MAP3K3: variants seen among roughly 807,000 people sequenced by gnomAD.
MAP3K3 encodes MAP/ERK kinase kinase 3.
In MAP3K3, 12 loss-of-function variants were observed where a neutral mutation model predicts 80.9. The ratio of observed to expected loss-of-function variants is 0.15; its 90% CI spans 0.10 to 0.24. MAP3K3 has a LOEUF of 0.24. MAP3K3 is among the 10% of genes least tolerant of loss of function. The pLI, the probability that MAP3K3 is intolerant of heterozygous loss-of-function variation, is 1.00. For synonymous variants in MAP3K3, 272 were observed against 307.1 expected (o/e 0.89, Z 1.19); for missense variants, 596 against 834.7 (o/e 0.71, Z 3.52).
At chr17:63,630,714 C>G (rs1373205775) in intron 1 of MAP3K3, among the ~76,000 whole-genome samples, 1 of 152,102 alleles carries the variant, frequency 6.6e-6, no homozygotes, top group African/African-American at 2.4e-5. Context: ...TGACAGATGT[C>G]TTTTTGTAGA....
At position 63,691,876 on chromosome 17, in the gene MAP3K3, G is replaced by A. The variant is rs372986161; in HGVS notation, c.1474+14G>A. 2 of 1,612,408 alleles carry A rather than the reference G, an allele frequency of 1.2e-6. No homozygotes were observed. The highest frequency in any genetic ancestry group is 4.5e-5 in the East Asian group (2 of 44,826). ...GGGACATTAAGGGTGAGCAGGGCCA[G>A]GATACATGGAGTCCCCAGGACCTGG... On this transcript the variant is annotated intron_variant, in intron 14 of 15. Transcript: ENST00000361733. This position sits in a 1 kb window ranked among gnomAD's most constrained non-coding sequence, Gnocchi z 4.8.
intron 7 of MAP3K3, 31 bp from the exon 8 acceptor site, chr17:63,685,486 G>A: frequency 6.3e-7 from 1 of 1,579,532 alleles, no homozygotes; most frequent in Non-Finnish European, 8.7e-7. Context: ...GGGGCTGGGG[G>A]TGTGGCTTCA....
intron 1 of MAP3K3, among the ~76,000 whole-genome samples, chr17:63,624,026 T>C (rs1245017894): frequency 6.6e-6 from 1 of 152,204 alleles, no homozygotes; most frequent in Non-Finnish European, 1.5e-5. Flanking sequence ...CCTCATACAG[T>C]ATGAGAAGGG....
chr17:63,681,136 T>C (rs2035324563), intron 6 of MAP3K3, among the ~76,000 whole-genome samples: 1 of 145,852 alleles, frequency 6.9e-6, no homozygotes, highest in Non-Finnish European at 1.5e-5. Context: ...AAAAAGGTAA[T>C]ATCATTACTC....
chr17:63,659,645 GC>G (rs1214659824), intron 5 of MAP3K3, among the ~76,000 whole-genome samples: 1 of 145,802 alleles, frequency 6.9e-6, no homozygotes, highest in African/African-American at 2.6e-5. Context: ...CAATTCTTCT[GC>G]CTCAGCCTCC....
chr17:63,683,924 A>G (rs1421299613), intron 7 of MAP3K3, among the ~76,000 whole-genome samples: 1 of 152,084 alleles, frequency 6.6e-6, no homozygotes, highest in Non-Finnish European at 1.5e-5. Flanking sequence ...TGGGAGGCCA[A>G]GGCAGGAGGA....
chr17:63,688,191 T>G, intron 8 of MAP3K3: 1 of 361,154 alleles, frequency 2.8e-6, no homozygotes, highest in Non-Finnish European at 5.1e-6. Flanking sequence ...CTGTGGCTGT[T>G]TTTATTACTG....
intron 8 of MAP3K3, among the ~76,000 whole-genome samples, chr17:63,686,796 G>A (rs566086942): frequency 8.9e-4 from 135 of 152,274 alleles, no homozygotes; most frequent in African/African-American, 2.9e-3. Flanking sequence ...CATTGTGAAT[G>A]ACCTGGACTT....
intron 5 of MAP3K3, 51 bp from the exon 6 acceptor site, chr17:63,666,889 A>T: frequency 6.2e-7 from 1 of 1,604,040 alleles, no homozygotes; most frequent in Non-Finnish European, 8.5e-7. Context: ...AGACCTTGAT[A>T]GGCCTGACTG....
intron 5 of MAP3K3, among the ~76,000 whole-genome samples, chr17:63,661,584 G>A (rs1321217803): frequency 1.3e-5 from 2 of 152,104 alleles, no homozygotes; most frequent in Non-Finnish European, 2.9e-5. Flanking sequence ...TTTGTAACTT[G>A]TATTTGTATA....
intron 5 of MAP3K3, among the ~76,000 whole-genome samples, chr17:63,662,141 C>T (rs1338316103): frequency 6.7e-6 from 1 of 148,752 alleles, no homozygotes; most frequent in Non-Finnish European, 1.5e-5. Flanking sequence ...CATGGTGGCT[C>T]ACACCTGTAA....
At position 63,692,707 on chromosome 17, in the gene MAP3K3, GTC is replaced by G. The variant is rs1434429156; in HGVS notation, c.1652+293_1652+294del. On this transcript the variant is annotated intron_variant, in intron 15 of 15. Coordinates refer to ENST00000361733, the MANE Select transcript of MAP3K3 (RefSeq NM_002401.5). This position sits in a 1 kb window ranked among gnomAD's most constrained non-coding sequence, Gnocchi z 4.5. ...TCTGAAGGCCTGAAGGCCTGGACCA[GTC>G]TCTCAACAGGAGCAGGCTTCTGTCC... Among the ~76,000 whole-genome samples the G allele has an allele frequency of 2.0e-5, 3 of 152,218 alleles. No homozygotes were observed. Among genetic ancestry groups the G allele is most frequent in the Admixed American group, 2.0e-4 (3 of 15,288 alleles).
intron 1 of MAP3K3, among the ~76,000 whole-genome samples, chr17:63,629,501 CA>C (rs1183493514): frequency 6.6e-6 from 1 of 152,132 alleles, no homozygotes; most frequent in Non-Finnish European, 1.5e-5. Flanking sequence ...CAGTTAGTCT[CA>C]GTCCATACCA....
intron 2 of MAP3K3, among the ~76,000 whole-genome samples, chr17:63,635,592 T>C (rs2034306489): frequency 6.6e-6 from 1 of 152,190 alleles, no homozygotes; most frequent in Non-Finnish European, 1.5e-5. Flanking sequence ...CTAGGAAAGA[T>C]AGGGTAAGAG....
At chr17:63,630,806 TA>T (rs1446836646) in intron 1 of MAP3K3, among the ~76,000 whole-genome samples, 1 of 152,256 alleles carries the variant, frequency 6.6e-6, no homozygotes, top group African/African-American at 2.4e-5. Context: ...CATACTTTTG[TA>T]TATGTTTTGA....
chr17:63,634,833 A>G (rs772155457), intron 2 of MAP3K3: 29 of 1,566,220 alleles, frequency 1.9e-5, no homozygotes, highest in Admixed American at 5.2e-5. Context: ...TAAAGCCAAA[A>G]TGTACTTTTA....
intron 1 of MAP3K3, among the ~76,000 whole-genome samples, chr17:63,629,366 C>T (rs2034171441): frequency 6.6e-6 from 1 of 152,188 alleles, no homozygotes; most frequent in African/African-American, 2.4e-5. Context: ...CTCAAGTGAT[C>T]CACGCATCTT....
chr17:63,690,524 C>T, intron 12 of MAP3K3, 112 bp downstream of exon 12: 4 of 1,183,386 alleles, frequency 3.4e-6, no homozygotes, highest in Non-Finnish European at 3.6e-6. Context: ...TGTCATTCTT[C>T]CCAAACTCCC....
At chr17:63,651,997 G>T (rs906667804) in intron 3 of MAP3K3, among the ~76,000 whole-genome samples, 1 of 152,114 alleles carries the variant, frequency 6.6e-6, no homozygotes, top group African/African-American at 2.4e-5. Flanking sequence ...CAGTCTGTAC[G>T]TTTTCTACCT....
Sources: gnomAD v4.1 joint callset for allele counts (sites outside exome capture counted in the v4.1 genomes callset) on GRCh38, gnomAD v4.1.1 for gene constraint, Gnocchi (gnomAD v3.1) non-coding constraint, MANE v1.5 for transcripts, NCBI Gene and HGNC (gene_info 2026-07-23, HGNC 2026-07-21) for gene names.